The following ACOT9 variants were observed in gnomAD, a reference collection of about 807,000 sequenced individuals.
The protein encoded by ACOT9 is acyl-CoA thioesterase 9, also known as acyl-coenzyme A thioesterase 9, mitochondrial.
Under a neutral mutation model 39.7 loss-of-function variants are expected in ACOT9, and 34 were observed. The observed-to-expected ratio is 0.86, with a 90% CI of 0.65 to 1.14. The LOEUF (loss-of-function observed/expected upper bound fraction) is 1.14, where lower values mean the gene tolerates loss of function less well. Ranked by LOEUF, ACOT9 falls within the 50% of genes most tolerant of loss-of-function variation. The pLI is 0.00. For synonymous variants in ACOT9, 110 were observed against 120.5 expected (o/e 0.91, Z 0.57); for missense variants, 313 against 344.1 (o/e 0.91, Z 0.71).
At chrX:23,723,961 T>C (rs1000645888) in intron 6 of ACOT9, among the ~76,000 whole-genome samples, 7 of 112,097 alleles carry the variant, frequency 6.2e-5, no homozygotes, top group African/African-American at 1.9e-4. Flanking sequence ...GGTGTACTAG[T>C]CACTGAAAAA....
At chrX:23,725,415 G>A (rs986737472) in intron 6 of ACOT9, among the ~76,000 whole-genome samples, 2 of 99,161 alleles carry the variant, frequency 2.0e-5, no homozygotes, top group Non-Finnish European at 4.0e-5. Context: ...AGGTTACAGT[G>A]AGCCGAGATG....
intron 12 of ACOT9, 40 bp downstream of exon 12, chrX:23,705,728 G>C: frequency 8.7e-7 from 1 of 1,151,666 alleles, no homozygotes; most frequent in Non-Finnish European, 1.2e-6. Flanking sequence ...TATCATGAAC[G>C]GAAGCTATCC....
chrX:23,724,349 A>G (rs567429791), intron 6 of ACOT9, among the ~76,000 whole-genome samples: 46 of 111,959 alleles, frequency 4.1e-4, no homozygotes, highest in African/African-American at 1.3e-3. Context: ...AAATGAAGGT[A>G]TTGGGGAGGG....
chrX:23,743,050 G>T, intron 1 of ACOT9, 75 bp downstream of exon 1: 1 of 1,076,275 alleles, frequency 9.3e-7, no homozygotes, highest in Non-Finnish European at 1.2e-6. Context: ...GCCGGGGCCA[G>T]CCCGAAGCTC....
rs1929795063 is a variant in ACOT9, at chrX:23,732,602, T to C, written c.191+570A>G. Among the ~76,000 whole-genome samples the C allele has an allele frequency of 1.8e-5, 2 of 111,873 alleles. 1 individual carries two copies. The highest frequency in any genetic ancestry group is 1.9e-4 in the Admixed American group (2 of 10,402). ...TAATTTCTATACCAACAATAGATTA[T>C]TATATATCTAGTGATCACTCGTGTT... is the stretch of plus-strand genomic sequence containing the variant. On this transcript the variant is annotated intron_variant, in intron 4 of 15. Coordinates refer to ENST00000379303, the MANE Select transcript of ACOT9 (RefSeq NM_001037171.2).
At chrX:23,737,546 A>G (rs1318646011) in intron 1 of ACOT9, among the ~76,000 whole-genome samples, 1 of 112,335 alleles carries the variant, frequency 8.9e-6, no homozygotes, top group Non-Finnish European at 1.9e-5. Flanking sequence ...AGTATTCTGT[A>G]AAATCTACAT....
chrX:23,713,411 C>T (rs1218157777), intron 8 of ACOT9, among the ~76,000 whole-genome samples: 1 of 109,957 alleles, frequency 9.1e-6, no homozygotes, highest in African/African-American at 3.3e-5. Flanking sequence ...AACCCTGTCT[C>T]TACTAAATAA....
At position 23,702,321 on chromosome X, in the gene ACOT9, A is replaced by G. The variant is rs1928512313; in HGVS notation, c.*1573T>C. ...CAGGCTGGAGTGCAGTGGCATGATCACAGCTCACTGCAACCTCTGCCTCCC... is the reference window on the plus strand; with the variant it reads ...CAGGCTGGAGTGCAGTGGCATGATCGCAGCTCACTGCAACCTCTGCCTCCC... On this transcript the variant is annotated 3_prime_UTR_variant, in exon 16 of 16. Transcript: ENST00000379303. The G allele has an allele frequency of 1.0e-5, 1 of 96,631 alleles. No homozygotes were observed. 8.0% of individuals were successfully genotyped at this position (96,631 alleles called of 1,213,427 possible).
At chrX:23,724,167 T>C (rs868329493) in intron 6 of ACOT9, among the ~76,000 whole-genome samples, 2 of 109,744 alleles carry the variant, frequency 1.8e-5, no homozygotes, top group Non-Finnish European at 3.8e-5. Flanking sequence ...GGGAGATAGG[T>C]AGGAGGATTG....
intron 5 of ACOT9, 123 bp downstream of exon 5, chrX:23,730,693 A>G: frequency 4.2e-6 from 4 of 956,654 alleles, no homozygotes; most frequent in Non-Finnish European, 4.4e-6. Flanking sequence ...AACTCTCTAA[A>G]TATATCAAAA....
At chrX:23,715,418 A>G (rs1188399098) in intron 8 of ACOT9, among the ~76,000 whole-genome samples, 1 of 111,268 alleles carries the variant, frequency 9.0e-6, no homozygotes, top group Non-Finnish European at 1.9e-5. Context: ...TGCCTCCTTC[A>G]TTCAGCCCCC....
chrX:23,720,400 G>C (rs915922528), intron 8 of ACOT9, among the ~76,000 whole-genome samples: 1 of 111,729 alleles, frequency 9.0e-6, no homozygotes, highest in Admixed American at 9.6e-5. Context: ...TTTGGAAATA[G>C]AGTCGTTGCA....
chrX:23,703,609 C>T lies in ACOT9; in HGVS notation c.*285G>A, dbSNP rs776573491. On this transcript the variant is annotated 3_prime_UTR_variant, in exon 16 of 16. Coordinates refer to ENST00000379303, the MANE Select transcript of ACOT9 (RefSeq NM_001037171.2). ...CTGGGATTATAGGCATGAGCCACCA[C>T]GCCCAGCCTCTCAATTTTTTTGTTT... 1.6e-4 allele frequency: 35 copies of T among 218,787 alleles called. No homozygotes were observed. The South Asian group carries it at 2.5e-3, about 15-fold the overall frequency. The allele number at this position is 218,787 out of a possible 1,213,427, so 18.0% of individuals were successfully genotyped here. A position where few individuals can be genotyped will look rare whatever the true frequency, so the allele number is the denominator to read the frequency against.
At chrX:23,706,148 C>T (rs1010281597) in intron 11 of ACOT9, among the ~76,000 whole-genome samples, 2 of 110,877 alleles carry the variant, frequency 1.8e-5, no homozygotes, top group South Asian at 3.8e-4. Flanking sequence ...CGCCTGTAAT[C>T]CCAGCTACTT....
At chrX:23,724,611 T>C (rs1377277895) in intron 6 of ACOT9, among the ~76,000 whole-genome samples, 1 of 109,626 alleles carries the variant, frequency 9.1e-6, no homozygotes, top group Non-Finnish European at 1.9e-5. Context: ...GTCTCTACAG[T>C]AAAATACAAA....
chrX:23,718,819 T>C (rs1183957436), intron 8 of ACOT9, among the ~76,000 whole-genome samples: 1 of 96,858 alleles, frequency 1.0e-5, no homozygotes, highest in Non-Finnish European at 2.0e-5. Flanking sequence ...GGCAGGAGAA[T>C]GGCATGAACC....
intron 8 of ACOT9, among the ~76,000 whole-genome samples, chrX:23,719,390 G>A (rs1929208211): frequency 8.9e-6 from 1 of 112,073 alleles, no homozygotes; most frequent in Admixed American, 9.5e-5. Flanking sequence ...CTACTACAGA[G>A]CTAGCTTCAG....
In ACOT9 at chrX:23,721,931, C is replaced by T; in HGVS notation, c.538G>A (p.Val180Ile). 2 of 1,211,607 alleles carry T rather than the reference C, an allele frequency of 1.7e-6. No homozygotes were observed. The highest frequency in any genetic ancestry group is 2.2e-6 in the Non-Finnish European group (2 of 895,324). ...PEQDIKFSGH[V>I]SWVGKTSMEV... Reference sequence around the variant, plus strand: ...ATGGATGTCTTCCCGACCCAGCTAACATGGCCACTGAACTTAATGTCCTGT... The same window carrying T: ...ATGGATGTCTTCCCGACCCAGCTAATATGGCCACTGAACTTAATGTCCTGT... Residue 180 changes from valine to isoleucine, a missense_variant, in exon 8 of 16, where the codon GTT becomes ATT. By Grantham distance (29) the Val-to-Ile change is conservative. Transcript: ENST00000379303.
intron 6 of ACOT9, among the ~76,000 whole-genome samples, chrX:23,729,531 G>A (rs983557594): frequency 1.8e-5 from 2 of 112,544 alleles, no homozygotes; most frequent in Non-Finnish European, 3.8e-5. Flanking sequence ...TAGTTATGTA[G>A]AAGAATGTCC....
Sources: gnomAD v4.1 joint callset for allele counts (sites outside exome capture counted in the v4.1 genomes callset) on GRCh38, gnomAD v4.1.1 for gene constraint, MANE v1.5 for transcripts, NCBI Gene and HGNC (gene_info 2026-07-23, HGNC 2026-07-21) for gene names.